The following SOX5 variants were observed in gnomAD, a reference collection of about 807,000 sequenced individuals.
SOX5 encodes the protein transcription factor SOX-5.
In SOX5, 9 loss-of-function variants were observed where a neutral mutation model predicts 92.0. That is an observed-to-expected ratio of 0.10 (90% CI 0.06 to 0.17). The LOEUF is 0.17. Ranked by LOEUF, SOX5 falls within the 10% of genes least tolerant of loss-of-function variation. The probability of loss-of-function intolerance (pLI) is 1.00; values close to 1 mark genes in which losing one functional copy is unlikely to be tolerated. For missense variants in SOX5, 642 were observed against 944.5 expected, an observed-to-expected ratio of 0.68 and a Z score of 4.20; for synonymous variants, 344 against 336.3, an observed-to-expected ratio of 1.02 and a Z score of -0.25.
At chr12:23,769,448 C>T (rs2094850040) in intron 3 of SOX5, among the ~76,000 whole-genome samples, 1 of 152,028 alleles carries the variant, frequency 6.6e-6, no homozygotes, top group Admixed American at 6.6e-5. Flanking sequence ...ACTACCAAAT[C>T]CTTTAAGCCC....
At chr12:23,905,030 T>C (rs2097277108) in intron 1 of SOX5, among the ~76,000 whole-genome samples, 1 of 152,154 alleles carries the variant, frequency 6.6e-6, no homozygotes, top group African/African-American at 2.4e-5. Context: ...TGAAGATAAA[T>C]AAGGAAAGGC....
At chr12:23,838,843 T>TGGG (rs780799319) in intron 3 of SOX5, among the ~76,000 whole-genome samples, 1 of 38,164 alleles carries the variant, frequency 2.6e-5, no homozygotes, top group African/African-American at 9.9e-5. Flanking sequence ...TCTTTTTTTT[T>TGGG]GGGGGGGGGG....
chr12:24,043,648 C>G (rs1455368917), intron 4 of SOX5, among the ~76,000 whole-genome samples: 1 of 152,174 alleles, frequency 6.6e-6, no homozygotes, highest in African/African-American at 2.4e-5. Context: ...CCTAACAAGA[C>G]ACAAGTTTCC....
intron 4 of SOX5, among the ~76,000 whole-genome samples, chr12:24,046,628 C>T (rs1169736284): frequency 6.7e-6 from 1 of 150,044 alleles, no homozygotes; most frequent in Non-Finnish European, 1.5e-5. Context: ...GACATGCTAC[C>T]TAGCCTCAGA....
intron 2 of SOX5, among the ~76,000 whole-genome samples, chr12:24,353,348 G>A (rs1330643280): frequency 6.6e-6 from 1 of 152,082 alleles, no homozygotes; most frequent in Non-Finnish European, 1.5e-5. Flanking sequence ...CTATGGAAGG[G>A]CCTCTTCTCT....
intron 1 of SOX5, among the ~76,000 whole-genome samples, chr12:24,462,418 C>A (rs1258103309): frequency 6.6e-6 from 1 of 152,136 alleles, no homozygotes; most frequent in Non-Finnish European, 1.5e-5. Context: ...AAGTCTCCAA[C>A]AATATTCATG....
In SOX5 at chr12:23,543,098, T is replaced by C. The variant is rs1942430949; in HGVS notation, c.1771+113A>G. 6.6e-6 allele frequency: 5 copies of C among 761,844 alleles called. No individual in the cohort carries two copies. The South Asian group carries it at 1.3e-4, about 20-fold the overall frequency. 47.2% of individuals were successfully genotyped at this position (761,844 alleles called of 1,614,324 possible). A position where few individuals can be genotyped will look rare whatever the true frequency, so the allele number is the denominator to read the frequency against. ...TCAATGATGATGTTTATTTTCTGGA[T>C]AAGCAAATAACACGACCTGTATGGC... On this transcript the variant is annotated intron_variant, in intron 13 of 14. Transcript: ENST00000451604.
chr12:24,509,311 GACTTCTGCTATA>G, intron 1 of SOX5, among the ~76,000 whole-genome samples: 1 of 152,250 alleles, frequency 6.6e-6, no homozygotes, highest in South Asian at 2.1e-4. Context: ...TTTTATGCTG[GACTTCTGCTATA>G]CTCACTCTCT....
intron 2 of SOX5, among the ~76,000 whole-genome samples, chr12:23,874,829 C>T (rs2096910341): frequency 6.6e-6 from 1 of 152,170 alleles, no homozygotes; most frequent in African/African-American, 2.4e-5. Flanking sequence ...ACAGATGCTA[C>T]CTACAGCAAA....
intron 2 of SOX5, 28 bp downstream of exon 2, chr12:23,895,765 T>C (rs1010144050): frequency 6.6e-7 from 1 of 1,505,866 alleles, no homozygotes; most frequent in African/African-American, 1.4e-5. Context: ...AAAGTGAGTG[T>C]AGGCACAATA....
intron 2 of SOX5, among the ~76,000 whole-genome samples, chr12:23,849,191 G>C (rs16926778): frequency 0.091 from 13,807 of 152,088 alleles, 804 homozygotes; most frequent in East Asian, 0.2. Flanking sequence ...TTATTCAAGT[G>C]ACATTTCATC....
At chr12:23,709,922 A>G (rs2091870289) in intron 6 of SOX5, among the ~76,000 whole-genome samples, 1 of 152,210 alleles carries the variant, frequency 6.6e-6, no homozygotes, top group African/African-American at 2.4e-5. Context: ...ATAATTTTAA[A>G]TGGAACTTCT....
At chr12:23,674,009 G>T (rs1182273291) in intron 6 of SOX5, among the ~76,000 whole-genome samples, 1 of 152,078 alleles carries the variant, frequency 6.6e-6, no homozygotes, top group African/African-American at 2.4e-5. Context: ...AGGATTGAGT[G>T]TACTTTGAAA....
chr12:23,775,556 G>A (rs2095071640), intron 3 of SOX5, among the ~76,000 whole-genome samples: 1 of 152,194 alleles, frequency 6.6e-6, no homozygotes, highest in Non-Finnish European at 1.5e-5. Context: ...TGATTTCTGA[G>A]TTTTCCAGGG....
chr12:23,762,473 C>T lies in SOX5; in HGVS notation c.482-6749G>A, dbSNP rs2094588264. 1.4e-5 allele frequency: 6 copies of T among 422,802 alleles called. No homozygotes were observed. In the Middle Eastern group the frequency reaches 1.6e-3, roughly 114 times the overall value. 26.2% of individuals were successfully genotyped at this position (422,802 alleles called of 1,614,324 possible). A position where few individuals can be genotyped will look rare whatever the true frequency, so the allele number is the denominator to read the frequency against. ...TAGAAACACACAAGAAACTCCATAG[C>T]ATTAAGATTTAGATAAGCTTTATTT... On this transcript the variant is annotated intron_variant, in intron 3 of 14. Transcript: ENST00000451604.
At chr12:24,133,021 T>C (rs1949793091) in intron 4 of SOX5, among the ~76,000 whole-genome samples, 2 of 152,176 alleles carry the variant, frequency 1.3e-5, no homozygotes, top group South Asian at 2.1e-4. Context: ...GGAGGTAAGA[T>C]GATAAAACAT....
chr12:24,430,964 C>A (rs1011468124), intron 1 of SOX5, among the ~76,000 whole-genome samples: 1 of 152,158 alleles, frequency 6.6e-6, no homozygotes, highest in Non-Finnish European at 1.5e-5. Flanking sequence ...ATGCTATCAA[C>A]ACTTTCCATA....
At chr12:23,767,576 C>G (rs955902250) in intron 3 of SOX5, among the ~76,000 whole-genome samples, 1 of 152,048 alleles carries the variant, frequency 6.6e-6, no homozygotes, top group Admixed American at 6.6e-5. Context: ...GTCTATGTAC[C>G]TTGAATATAA....
chr12:24,475,701 G>C (rs1162964697), intron 1 of SOX5, among the ~76,000 whole-genome samples: 1 of 152,216 alleles, frequency 6.6e-6, no homozygotes, highest in Middle Eastern at 3.2e-3. Context: ...GCAGAAGAGA[G>C]CCAGGTGCAG....
Sources: gnomAD v4.1 joint callset for allele counts (sites outside exome capture counted in the v4.1 genomes callset) on GRCh38, gnomAD v4.1.1 for gene constraint, MANE v1.5 for transcripts, NCBI Gene and HGNC (gene_info 2026-07-23, HGNC 2026-07-21) for gene names.